FAAP24: variants seen among roughly 807,000 people sequenced by gnomAD.
FAAP24 encodes the protein FA core complex associated protein 24.
In FAAP24, 16 loss-of-function variants were observed where a neutral mutation model predicts 14.3. That is an observed-to-expected ratio of 1.12 (90% CI 0.76 to 1.69). The LOEUF (loss-of-function observed/expected upper bound fraction) is 1.69, where lower values mean the gene tolerates loss of function less well. Among genes scored for constraint, FAAP24 ranks in the 40% most tolerant of loss-of-function variants. FAAP24 has a pLI of 0.00. For synonymous variants in FAAP24, 111 were observed against 106.2 expected, an observed-to-expected ratio of 1.04 and a Z score of -0.28; for missense variants, 234 against 262.7, an observed-to-expected ratio of 0.89 and a Z score of 0.75.
At position 32,973,700 on chromosome 19, in the gene FAAP24, C is replaced by A. The variant is rs1271799735; in HGVS notation, c.243+138C>A. On this transcript the variant is annotated intron_variant, in intron 3 of 4. Coordinates refer to ENST00000588258, the MANE Select transcript of FAAP24 (RefSeq NM_152266.5). Reference sequence around the variant, plus strand: ...TGAAACCCTGTCTCTGCTAAAAATACAAAAATTAGCTGAGTATGGTGGCGC... The same window carrying A: ...TGAAACCCTGTCTCTGCTAAAAATAAAAAAATTAGCTGAGTATGGTGGCGC... 4.4e-6 allele frequency: 4 copies of A among 903,326 alleles called. No homozygotes were observed. In the East Asian group the frequency reaches 7.7e-5, roughly 17 times the overall value. The allele number at this position is 903,326 out of a possible 1,614,324, so 56.0% of individuals were successfully genotyped here.
At chr19:32,973,951 G>T in intron 3 of FAAP24, 109 bp from the exon 4 acceptor site, 3 of 1,033,238 alleles carry the variant, frequency 2.9e-6, no homozygotes, top group Non-Finnish European at 4.5e-6. Context: ...TCCATCCCTT[G>T]GTATCATTTA....
In FAAP24 at chr19:32,974,188, A is replaced by G. The variant is rs757063317; in HGVS notation, c.372A>G (p.Glu124=). The G allele has an allele frequency of 1.9e-6, 3 of 1,613,592 alleles. No homozygotes were observed. Among genetic ancestry groups the G allele is most frequent in the Non-Finnish European group, 2.5e-6 (3 of 1,179,932 alleles). Residue 124 remains glutamate (E), a synonymous_variant, in exon 4 of 5, where the codon GAA becomes GAG. Transcript: ENST00000588258. ...MVLLPVASQM[E]ASCLVIQLVQ... is the part of the protein sequence containing the mutation. Reference sequence around the variant, plus strand: ...TGCTTCCAGTGGCCAGCCAGATGGAAGCATCCTGCCTCGTCATCCAGTTGG... The same window carrying G: ...TGCTTCCAGTGGCCAGCCAGATGGAGGCATCCTGCCTCGTCATCCAGTTGG...
Position 32,976,984 on chromosome 19 carries a change from T to C in FAAP24, c.*302T>C. The C allele has an allele frequency of 4.2e-6, 2 of 471,456 alleles. No homozygotes were observed. The highest frequency in any genetic ancestry group is 7.7e-5 in the Admixed American group (2 of 25,922). The allele number at this position is 471,456 out of a possible 1,614,324, so 29.2% of individuals were successfully genotyped here. On this transcript the variant is annotated 3_prime_UTR_variant, in exon 5 of 5. Coordinates refer to ENST00000588258, the MANE Select transcript of FAAP24 (RefSeq NM_152266.5). ...TGAACCCGGGAGGCGGAGGTTGCAGTGAGCTGAGATCGTGCCACTGCACTC... is the reference window on the plus strand; with the variant it reads ...TGAACCCGGGAGGCGGAGGTTGCAGCGAGCTGAGATCGTGCCACTGCACTC...
chr19:32,973,970 C>T, intron 3 of FAAP24, 90 bp from the exon 4 acceptor site: 1 of 1,280,956 alleles, frequency 7.8e-7, no homozygotes, highest in Admixed American at 1.9e-5. Context: ...TATTTAAAAT[C>T]ATTGGCCAGG....
chr19:32,972,621 T>C (rs1971445139), intron 1 of FAAP24, among the ~76,000 whole-genome samples: 1 of 152,026 alleles, frequency 6.6e-6, no homozygotes, highest in South Asian at 2.1e-4. Flanking sequence ...TCTGGCCTTA[T>C]TGGAATCCAA....
At chr19:32,975,065 G>T (rs907727076) in intron 4 of FAAP24, among the ~76,000 whole-genome samples, 8 of 148,678 alleles carry the variant, frequency 5.4e-5, no homozygotes, top group Non-Finnish European at 1.2e-4. Context: ...TAGTAGACAG[G>T]GTTTCACCAT....
At chr19:32,974,482 G>A (rs7249357) in intron 4 of FAAP24, among the ~76,000 whole-genome samples, 27,371 of 152,044 alleles carry the variant, frequency 0.18, 2,762 homozygotes, top group African/African-American at 0.25. Flanking sequence ...CCCTTTCGCT[G>A]GTGAAAACGT....
In FAAP24 at chr19:32,973,222, C is replaced by A; in HGVS notation, c.26C>A (p.Thr9Lys). MEKNPPDD[T>K]GPVHVPLGHI... ...ATGGAAAAGAACCCCCCTGATGATA[C>A]GGGCCCCGTGCACGTGCCTTTGGGG... Residue 9 changes from threonine to lysine, a missense_variant, in exon 2 of 5, where the codon ACG becomes AAG. Transcript: ENST00000588258. The A allele has an allele frequency of 6.2e-7, 1 of 1,613,784 alleles. No homozygotes were observed. The highest frequency in any genetic ancestry group is 8.5e-7 in the Non-Finnish European group (1 of 1,180,012).
chr19:32,976,508 G>T lies in FAAP24; in HGVS notation c.474G>T (p.Ser158=), dbSNP rs112886802. The change falls in exon 5 of 5, where the codon TCG becomes TCT. Residue 158 remains serine (S), a synonymous_variant. Coordinates refer to ENST00000588258, the MANE Select transcript of FAAP24 (RefSeq NM_152266.5). ...GGGCCCTGCTGCTGTCTGAGCCTTC[G>T]CTCCTTCGAACCGTGCAGCAGATCC... is the stretch of plus-strand genomic sequence containing the variant. ...KKRALLLSEP[S]LLRTVQQIPG... is the part of the protein sequence containing the mutation. The T allele has an allele frequency of 2.5e-6, 4 of 1,614,186 alleles. No homozygotes were observed. The highest frequency in any genetic ancestry group is 3.4e-6 in the Non-Finnish European group (4 of 1,180,028).
intron 4 of FAAP24, 63 bp downstream of exon 4, chr19:32,974,275 A>C: frequency 1.3e-6 from 2 of 1,518,118 alleles, no homozygotes; most frequent in Non-Finnish European, 1.8e-6. Flanking sequence ...GCTGCTCTCC[A>C]GAAGCAACCA....
chr19:32,974,159 G>A lies in FAAP24; in HGVS notation c.343G>A (p.Val115Met). 1 of 1,613,974 alleles carries A rather than the reference G, an allele frequency of 6.2e-7. No individual in the cohort carries two copies. Among genetic ancestry groups the A allele is most frequent in the Non-Finnish European group, 8.5e-7 (1 of 1,179,998 alleles). Residue 115 changes from valine to methionine, a missense_variant, in exon 4 of 5, where the codon GTG becomes ATG. Val to Met is a conservative substitution (Grantham distance 21, BLOSUM62 1). Transcript: ENST00000588258. Reference sequence around the variant, plus strand: ...GTTTACTGTGCTGGACCTTGGAATGGTGCTGCTTCCAGTGGCCAGCCAGAT... The same window carrying A: ...GTTTACTGTGCTGGACCTTGGAATGATGCTGCTTCCAGTGGCCAGCCAGAT... ...QKFTVLDLGM[V>M]LLPVASQMEA... is the part of the protein sequence containing the mutation.
At chr19:32,974,301 T>A in intron 4 of FAAP24, 89 bp downstream of exon 4, 1 of 1,419,106 alleles carries the variant, frequency 7.0e-7, no homozygotes, top group Non-Finnish European at 9.5e-7. Flanking sequence ...CCAATCTATG[T>A]CATTCTCTGA....
Position 32,976,517 on chromosome 19 carries a change from A to C in FAAP24, c.483A>C (p.Arg161=). 1 of 1,614,224 alleles carries C rather than the reference A, an allele frequency of 6.2e-7. No homozygotes were observed. Among genetic ancestry groups the C allele is most frequent in the Non-Finnish European group, 8.5e-7 (1 of 1,180,044 alleles). Residue 161 remains arginine, a synonymous_variant, in exon 5 of 5, where the codon CGA becomes CGC. Coordinates refer to ENST00000588258, the MANE Select transcript of FAAP24 (RefSeq NM_152266.5). Reference sequence around the variant, plus strand: ...TGCTGTCTGAGCCTTCGCTCCTTCGAACCGTGCAGCAGATCCCAGGAGTTG... The same window carrying C: ...TGCTGTCTGAGCCTTCGCTCCTTCGCACCGTGCAGCAGATCCCAGGAGTTG... The part of the protein sequence containing the change: ...ALLLSEPSLL[R]TVQQIPGVGK...
rs56403853 is a variant in FAAP24, at chr19:32,977,052, C to CAAA, written c.*384_*386dup. Reference sequence around the variant, plus strand: ...CGAGACTCCGTCTCAAAGAAAACAACAAAAAAAAAAAAAAAAGAAAAAGGA... The same window carrying CAAA: ...CGAGACTCCGTCTCAAAGAAAACAACAAAAAAAAAAAAAAAAAAAGAAAAAGGA... On this transcript the variant is annotated 3_prime_UTR_variant, in exon 5 of 5. Coordinates refer to ENST00000588258, the MANE Select transcript of FAAP24 (RefSeq NM_152266.5). 1.3e-3 allele frequency: 463 copies of CAAA among 359,608 alleles called. 2 individuals are homozygous for CAAA. Among genetic ancestry groups the CAAA allele is most frequent in the African/African-American group, 9.8e-3 (394 of 40,162 alleles). The allele number at this position is 359,608 out of a possible 1,614,324, so 22.3% of individuals were successfully genotyped here. A position where few individuals can be genotyped will look rare whatever the true frequency, so the allele number is the denominator to read the frequency against.
At chr19:32,976,366 T>C (rs781109149) in intron 4 of FAAP24, 65 bp from the exon 5 acceptor site, 7 of 1,532,678 alleles carry the variant, frequency 4.6e-6, no homozygotes, top group Non-Finnish European at 6.1e-6. Flanking sequence ...CTACAAAACA[T>C]ATTTTAAGAA....
At position 32,973,423 on chromosome 19, in the gene FAAP24, A is replaced by T; in HGVS notation, c.107-3A>T. The T allele has an allele frequency of 6.2e-7, 1 of 1,613,714 alleles. No homozygotes were observed. The highest frequency in any genetic ancestry group is 1.1e-5 in the South Asian group (1 of 90,958). ...GAACTCATTTTCTTCTCTGTATTTT[A>T]AGGGAAAATTAAGCTCATTTTCGAG... On this transcript the variant is annotated splice_region_variant and splice_polypyrimidine_tract_variant and intron_variant, in intron 2 of 4. Coordinates refer to ENST00000588258, the MANE Select transcript of FAAP24 (RefSeq NM_152266.5).
rs917441816 is a variant in FAAP24 at position 32,977,729 on chromosome 19, G to A, written c.*1047G>A. The A allele has an allele frequency of 3.4e-6, 1 of 294,412 alleles. No homozygotes were observed. Among genetic ancestry groups the A allele is most frequent in the Non-Finnish European group, 6.2e-6 (1 of 161,540 alleles). 18.2% of individuals were successfully genotyped at this position (294,412 alleles called of 1,614,324 possible). On this transcript the variant is annotated 3_prime_UTR_variant, in exon 5 of 5. Transcript: ENST00000588258. ...AGGTCAGGAGATCCAGACCATCCTG[G>A]CCGACATGGTGAAGCCCTGTCTCTA...
In FAAP24 at chr19:32,976,784, A is replaced by G; in HGVS notation, c.*102A>G. 1 of 1,456,744 alleles carries G rather than the reference A, an allele frequency of 6.9e-7. No individual in the cohort carries two copies. Among genetic ancestry groups the G allele is most frequent in the Non-Finnish European group, 9.3e-7 (1 of 1,078,652 alleles). The allele number at this position is 1,456,744 out of a possible 1,614,324, so 90.2% of individuals were successfully genotyped here. On this transcript the variant is annotated 3_prime_UTR_variant, in exon 5 of 5. Coordinates refer to ENST00000588258, the MANE Select transcript of FAAP24 (RefSeq NM_152266.5). The stretch of plus-strand genomic sequence containing the variant: ...GAGAATGGGCCGGGTGCACTGGCTC[A>G]CGCCTCTAATCTCAGCACTTTGGGA...
chr19:32,972,842 T>A (rs1279119583), intron 1 of FAAP24, among the ~76,000 whole-genome samples: 1 of 150,410 alleles, frequency 6.6e-6, no homozygotes, highest in Non-Finnish European at 1.5e-5. Context: ...GCCTCCCAAG[T>A]GGCTGGGATT....
Sources: gnomAD v4.1 joint callset for allele counts (sites outside exome capture counted in the v4.1 genomes callset) on GRCh38, gnomAD v4.1.1 for gene constraint, MANE v1.5 for transcripts, NCBI Gene and HGNC (gene_info 2026-07-23, HGNC 2026-07-21) for gene names.